EPHA5: variants seen among roughly 807,000 people sequenced by gnomAD.
The protein encoded by EPHA5 is ephrin type-A receptor 5.
EPHA5 carries 60 observed loss-of-function variants against 105.0 expected under a neutral mutation model. The ratio of observed to expected loss-of-function variants is 0.57; its 90% CI spans 0.46 to 0.71. The LOEUF is 0.71. Ranked by LOEUF, EPHA5 falls within the 30% of genes least tolerant of loss-of-function variation. The pLI, the probability that EPHA5 is intolerant of heterozygous loss-of-function variation, is 0.00. For synonymous variants in EPHA5, 513 were observed against 449.1 expected (o/e 1.14, Z -1.80); for missense variants, 1,218 against 1,274.7 (o/e 0.96, Z 0.68).
chr4:65,584,834 T>C (rs898166507), intron 3 of EPHA5, among the ~76,000 whole-genome samples: 2 of 152,028 alleles, frequency 1.3e-5, no homozygotes, highest in Non-Finnish European at 2.9e-5. Context: ...AAAATCTTCC[T>C]ATTTAATTAT....
rs554475356 is a variant in EPHA5, at chr4:65,334,144, A to G, written c.2789+1788T>C. Among the ~76,000 whole-genome samples the G allele has an allele frequency of 3.9e-5, 6 of 151,916 alleles. No homozygotes were observed. In the South Asian group the frequency reaches 8.3e-4, roughly 21 times the overall value. Reference sequence around the variant, plus strand: ...ACACACAATTGGTTTTGAAGTTTTTATTTTGTTCAGTGTCTCTCTCCCAAC... The same window carrying G: ...ACACACAATTGGTTTTGAAGTTTTTGTTTTGTTCAGTGTCTCTCTCCCAAC... On this transcript the variant is annotated intron_variant, in intron 15 of 16. Coordinates refer to ENST00000613740, the MANE Select transcript of EPHA5 (RefSeq NM_001281766.3).
intron 8 of EPHA5, among the ~76,000 whole-genome samples, chr4:65,379,727 C>A (rs185524554): frequency 6.6e-6 from 1 of 151,594 alleles, no homozygotes; most frequent in Non-Finnish European, 1.5e-5. Context: ...CATTACTAGA[C>A]TAAATATTTT....
intron 2 of EPHA5, among the ~76,000 whole-genome samples, chr4:65,635,058 G>C (rs9998833): frequency 2.0e-5 from 3 of 151,940 alleles, no homozygotes; most frequent in African/African-American, 4.8e-5. Context: ...CTTGATTCAG[G>C]AGAAAACACA....
rs2148812239 is a variant in EPHA5, at chr4:65,335,922, G to C, written c.2789+10C>G. On this transcript the variant is annotated intron_variant, in intron 15 of 16. Coordinates refer to ENST00000613740, the MANE Select transcript of EPHA5 (RefSeq NM_001281766.3). ...ACATTCTGGAAAATCACTCGGATCT[G>C]GCCTTGTACCTGCAGGATGCATTAA... 1.3e-6 allele frequency: 2 copies of C among 1,597,900 alleles called. No homozygotes were observed. Among genetic ancestry groups the C allele is most frequent in the Non-Finnish European group, 1.7e-6 (2 of 1,171,626 alleles).
intron 14 of EPHA5, among the ~76,000 whole-genome samples, chr4:65,341,994 A>G (rs551413357): frequency 1.3e-5 from 2 of 152,268 alleles, no homozygotes; most frequent in South Asian, 4.1e-4. Flanking sequence ...GATAGTTATT[A>G]AAGATATATT....
intron 3 of EPHA5, among the ~76,000 whole-genome samples, chr4:65,592,854 T>C (rs1324038184): frequency 6.6e-6 from 1 of 152,340 alleles, no homozygotes; most frequent in African/African-American, 2.4e-5. Context: ...CTTAAAATGA[T>C]TGTGTTGCAC....
rs1169650788 is a variant in EPHA5, at chr4:65,319,786, C to T, written c.*4328G>A. 1 of 228,166 alleles carries T rather than the reference C, an allele frequency of 4.4e-6. No individual in the cohort carries two copies. The highest frequency in any genetic ancestry group is 6.2e-5 in the East Asian group (1 of 16,040). The allele number at this position is 228,166 out of a possible 1,614,324, so 14.1% of individuals were successfully genotyped here. The stretch of plus-strand genomic sequence containing the variant: ...ATAGCTGCTTCTGACATGTCTGAAA[C>T]TAAGAGATTTTGGTAAAAATACTAA... On this transcript the variant is annotated 3_prime_UTR_variant, in exon 17 of 17. Transcript: ENST00000613740.
intron 3 of EPHA5, among the ~76,000 whole-genome samples, chr4:65,560,572 C>T (rs949046933): frequency 6.6e-6 from 1 of 151,944 alleles, no homozygotes; most frequent in Non-Finnish European, 1.5e-5. Context: ...ATTTCATTTG[C>T]CCATCCCACT....
At chr4:65,444,370 C>A (rs140903315) in intron 5 of EPHA5, among the ~76,000 whole-genome samples, 1 of 152,074 alleles carries the variant, frequency 6.6e-6, no homozygotes, top group African/African-American at 2.4e-5. Flanking sequence ...ATTGTAGATA[C>A]AAGTCACTTT....
intron 6 of EPHA5, among the ~76,000 whole-genome samples, chr4:65,419,338 G>C (rs1261802953): frequency 1.3e-5 from 2 of 151,972 alleles, no homozygotes; most frequent in African/African-American, 4.8e-5. Context: ...AAGTTCTTAG[G>C]TATTGTAAAG....
intron 8 of EPHA5, 62 bp downstream of exon 8, chr4:65,404,312 G>A: frequency 7.1e-7 from 1 of 1,409,438 alleles, no homozygotes; most frequent in Non-Finnish European, 1.0e-6. Context: ...CAGCCAAATG[G>A]TCAGATCAAG....
At chr4:65,567,880 C>G (rs1006671175) in intron 3 of EPHA5, among the ~76,000 whole-genome samples, 1 of 151,432 alleles carries the variant, frequency 6.6e-6, no homozygotes, top group Non-Finnish European at 1.5e-5. Context: ...TTAGTCTGAT[C>G]CTCCTGTTTA....
At chr4:65,584,093 A>C (rs1741898705) in intron 3 of EPHA5, among the ~76,000 whole-genome samples, 1 of 151,696 alleles carries the variant, frequency 6.6e-6, no homozygotes, top group Non-Finnish European at 1.5e-5. Flanking sequence ...AAATCTCTTC[A>C]ATTTATATCC....
chr4:65,459,972 G>A (rs1727974255), intron 5 of EPHA5, among the ~76,000 whole-genome samples: 1 of 151,682 alleles, frequency 6.6e-6, no homozygotes, highest in Non-Finnish European at 1.5e-5. Context: ...GCTGGGTATA[G>A]GGAACCCTAT....
chr4:65,452,817 A>G (rs1727195458), intron 5 of EPHA5, among the ~76,000 whole-genome samples: 1 of 152,188 alleles, frequency 6.6e-6, no homozygotes, highest in Admixed American at 6.5e-5. Context: ...TGTATTAAAT[A>G]TGTATTCTAT....
intron 3 of EPHA5, among the ~76,000 whole-genome samples, chr4:65,503,562 T>A (rs956853619): frequency 2.0e-5 from 3 of 151,732 alleles, no homozygotes; most frequent in Non-Finnish European, 2.9e-5. Context: ...AATCTCTCAA[T>A]ACAATGTATT....
intron 5 of EPHA5, among the ~76,000 whole-genome samples, chr4:65,469,722 T>C (rs1560573290): frequency 6.6e-6 from 1 of 152,180 alleles, no homozygotes; most frequent in Non-Finnish European, 1.5e-5. Flanking sequence ...AACATATCCA[T>C]ATAAAATTTA....
intron 3 of EPHA5, among the ~76,000 whole-genome samples, chr4:65,600,079 C>T (rs543851150): frequency 6.6e-6 from 1 of 151,964 alleles, no homozygotes; most frequent in African/African-American, 2.4e-5. Flanking sequence ...TACTAATAAA[C>T]AAATTTTTAG....
At position 65,322,862 on chromosome 4, in the gene EPHA5, C is replaced by T. The variant is rs753574756; in HGVS notation, c.*1252G>A. The T allele has an allele frequency of 8.7e-6, 2 of 228,662 alleles. No homozygotes were observed. Among genetic ancestry groups the T allele is most frequent in the African/African-American group, 2.2e-5 (1 of 44,934 alleles). 14.2% of individuals were successfully genotyped at this position (228,662 alleles called of 1,614,324 possible). A position where few individuals can be genotyped will look rare whatever the true frequency, so the allele number is the denominator to read the frequency against. On this transcript the variant is annotated 3_prime_UTR_variant, in exon 17 of 17. Transcript: ENST00000613740. ...TGTATGTGTATATATATATATTTGT[C>T]ATAATTCCATTGCTGCCTTAGAGTC...
Sources: allele counts gnomAD v4.1 joint callset (sites outside exome capture counted in the v4.1 genomes callset), GRCh38; gene constraint gnomAD v4.1.1; transcripts MANE v1.5; gene names NCBI Gene and HGNC (gene_info 2026-07-23, HGNC 2026-07-21).